Variants in ATAD2 observed in about 807,000 individuals in gnomAD.
ATAD2 encodes ATPase family AAA domain containing 2, also known as ATPase family AAA domain-containing protein 2.
A neutral mutation model predicts 168.9 loss-of-function variants in ATAD2; 62 were observed. The observed-to-expected ratio is 0.37, with a 90% CI of 0.30 to 0.45. The LOEUF (loss-of-function observed/expected upper bound fraction) is 0.45, where lower values mean the gene tolerates loss of function less well. Among genes scored for constraint, ATAD2 ranks in the 20% least tolerant of loss-of-function variants. ATAD2 has a pLI of 1.00. For missense variants in ATAD2, 1,419 were observed against 1,667.8 expected (o/e 0.85, Z 2.60); for synonymous variants, 613 against 571.6 (o/e 1.07, Z -1.03).
rs1829183933 is a variant in ATAD2 at position 123,372,701 on chromosome 8, A to T, written c.321-15T>A. Reference sequence around the variant, plus strand: ...TGGCCAACTGCCTATATTTTAAAAAATTAGATTAATTCAAAATAATTGACA... The same window carrying T: ...TGGCCAACTGCCTATATTTTAAAAATTTAGATTAATTCAAAATAATTGACA... On this transcript the variant is annotated splice_polypyrimidine_tract_variant and intron_variant, in intron 2 of 27. Transcript: ENST00000287394. The T allele has an allele frequency of 6.4e-7, 1 of 1,551,680 alleles. No homozygotes were observed. Among genetic ancestry groups the T allele is most frequent in the Non-Finnish European group, 8.7e-7 (1 of 1,147,132 alleles).
At chr8:123,396,121 G>A (rs1324306754) in intron 1 of ATAD2, 66 bp downstream of exon 1, 4 of 1,470,618 alleles carry the variant, frequency 2.7e-6, no homozygotes, top group South Asian at 2.7e-5. Context: ...AGGCCCCTCC[G>A]AGCGCCGGGC....
At position 123,364,130 on chromosome 8, in the gene ATAD2, G is replaced by A. The variant is rs555258093; in HGVS notation, c.1050-2484C>T. 1.5e-4 allele frequency among the ~76,000 whole-genome samples: 23 copies of A among 152,186 alleles called. No homozygotes were observed. In the South Asian group the frequency reaches 4.8e-3, roughly 32 times the overall value. On this transcript the variant is annotated intron_variant, in intron 8 of 27. Coordinates refer to ENST00000287394, the MANE Select transcript of ATAD2 (RefSeq NM_014109.4). ...TACATACCGCACTTAATGTATGGCA[G>A]ACACTATTTTAAATGCTTTACATGT... is the stretch of plus-strand genomic sequence containing the variant.
At chr8:123,380,395 T>C in intron 2 of ATAD2, 134 bp downstream of exon 2, 1 of 975,930 alleles carries the variant, frequency 1.0e-6, no homozygotes, top group African/African-American at 1.7e-5. Flanking sequence ...TGTGATCATT[T>C]ATTTTCAAAT....
chr8:123,376,730 G>T (rs1829327617), intron 2 of ATAD2, among the ~76,000 whole-genome samples: 1 of 151,522 alleles, frequency 6.6e-6, no homozygotes, highest in Non-Finnish European at 1.5e-5. Flanking sequence ...TGAGGCAGGG[G>T]GATTGCTAGA....
chr8:123,357,225 A>C (rs1002995824), intron 12 of ATAD2, among the ~76,000 whole-genome samples: 1 of 152,226 alleles, frequency 6.6e-6, no homozygotes, highest in Non-Finnish European at 1.5e-5. Context: ...TGAAAATGAA[A>C]GCCGCTCCAG....
At chr8:123,411,153 G>A (rs1433261505) in intron 1 of ATAD2, among the ~76,000 whole-genome samples, 2 of 152,122 alleles carry the variant, frequency 1.3e-5, no homozygotes, top group African/African-American at 4.8e-5. Context: ...ACATTTTGGA[G>A]ACCCTGAAGG....
In ATAD2 at chr8:123,320,424, C is replaced by A. The variant is rs1004690997; in HGVS notation, c.*710G>T. 1.6e-4 allele frequency: 24 copies of A among 151,928 alleles called. No homozygotes were observed. The highest frequency in any genetic ancestry group is 5.8e-4 in the African/African-American group (24 of 41,454). 9.4% of individuals were successfully genotyped at this position (151,928 alleles called of 1,614,324 possible). ...ATCAACAGCTTGCAAATATAAAAAC[C>A]TTGTGCTATTAAAAGGTGTTTAACA... On this transcript the variant is annotated 3_prime_UTR_variant, in exon 28 of 28. Coordinates refer to ENST00000287394, the MANE Select transcript of ATAD2 (RefSeq NM_014109.4).
At chr8:123,362,453 C>G (rs1018143384) in intron 8 of ATAD2, among the ~76,000 whole-genome samples, 2 of 151,424 alleles carry the variant, frequency 1.3e-5, no homozygotes, top group African/African-American at 4.9e-5. Flanking sequence ...CTCTATAGCC[C>G]AGGTTGGAGT....
upstream of ATAD2, among the ~76,000 whole-genome samples, chr8:123,397,073 T>C (rs760870279): frequency 1.5e-4 from 23 of 152,044 alleles, no homozygotes; most frequent in Middle Eastern, 3.2e-3. Context: ...ATCTTTGCCA[T>C]TGATCATCCC....
At chr8:123,381,741 A>C (rs1043932123) in intron 1 of ATAD2, among the ~76,000 whole-genome samples, 7 of 152,092 alleles carry the variant, frequency 4.6e-5, no homozygotes, top group Non-Finnish European at 7.4e-5. Flanking sequence ...ACAAAACAAA[A>C]CAAACAAAAA....
chr8:123,323,182 C>G (rs1827521703), intron 26 of ATAD2, 116 bp from the exon 27 acceptor site: 1 of 1,105,338 alleles, frequency 9.0e-7, no homozygotes. Context: ...ACCAAGCCAT[C>G]TGATGACACA....
chr8:123,361,142 C>A (rs1287482599), intron 9 of ATAD2, among the ~76,000 whole-genome samples: 1 of 151,602 alleles, frequency 6.6e-6, no homozygotes, highest in East Asian at 1.9e-4. Context: ...CATGGCGAAA[C>A]CTCATCTCTA....
At chr8:123,377,712 G>A (rs1214818685) in intron 2 of ATAD2, among the ~76,000 whole-genome samples, 2 of 152,138 alleles carry the variant, frequency 1.3e-5, no homozygotes, top group Non-Finnish European at 2.9e-5. Context: ...CCACGATGGG[G>A]CAACTCATCC....
At chr8:123,333,855 A>G in intron 24 of ATAD2, 23 bp downstream of exon 24, 1 of 1,566,622 alleles carries the variant, frequency 6.4e-7, no homozygotes, top group Non-Finnish European at 8.7e-7. Flanking sequence ...AATTTCATAA[A>G]TGAAAACTAC....
chr8:123,397,406 A>G (rs1280348690), upstream of ATAD2, among the ~76,000 whole-genome samples: 1 of 152,232 alleles, frequency 6.6e-6, no homozygotes, highest in African/African-American at 2.4e-5. Context: ...CTAAAGTACT[A>G]TTATGATACC....
intron 8 of ATAD2, 59 bp downstream of exon 8, chr8:123,368,999 C>T: frequency 9.9e-7 from 1 of 1,005,184 alleles, no homozygotes; most frequent in Non-Finnish European, 1.4e-6. Context: ...GTCTAGAGTC[C>T]AGCCCTAACA....
At chr8:123,331,790 A>G (rs576909788) in intron 24 of ATAD2, among the ~76,000 whole-genome samples, 29 of 152,280 alleles carry the variant, frequency 1.9e-4, no homozygotes, top group African/African-American at 5.5e-4. Context: ...GAGAACCGCA[A>G]ATCACTTTTT....
At chr8:123,414,697 C>A (rs909708745) in intron 1 of ATAD2, among the ~76,000 whole-genome samples, 15 of 152,162 alleles carry the variant, frequency 9.9e-5, no homozygotes, top group African/African-American at 3.6e-4. Flanking sequence ...CAGTACCTTA[C>A]CGTATAGAAG....
At chr8:123,336,269 G>T in intron 22 of ATAD2, 104 bp downstream of exon 22, 2 of 1,010,438 alleles carry the variant, frequency 2.0e-6, no homozygotes, top group Non-Finnish European at 2.8e-6. Context: ...GGATTAAATA[G>T]TATTTTGATT....
Sources: allele counts gnomAD v4.1 joint callset (sites outside exome capture counted in the v4.1 genomes callset), GRCh38; gene constraint gnomAD v4.1.1; transcripts MANE v1.5; gene names NCBI Gene and HGNC (gene_info 2026-07-23, HGNC 2026-07-21).